The following ZNF347 variants were observed in gnomAD, a reference collection of about 807,000 sequenced individuals.
The protein encoded by ZNF347 is zinc finger protein 347, also known as CTD-2620I22.7.
In ZNF347, 19 loss-of-function variants were observed where a neutral mutation model predicts 12.9. The observed-to-expected ratio is 1.47, with a 90% CI of 1.03 to 2.16. The LOEUF (loss-of-function observed/expected upper bound fraction) is 2.16. Ranked by LOEUF, ZNF347 falls within the 30% of genes most tolerant of loss-of-function variation. The probability of loss-of-function intolerance (pLI) is 0.00; values close to 1 mark genes in which losing one functional copy is unlikely to be tolerated. For synonymous variants in ZNF347, 328 were observed against 340.6 expected, an observed-to-expected ratio of 0.96 and a Z score of 0.41; for missense variants, 1,005 against 990.6, an observed-to-expected ratio of 1.01 and a Z score of -0.19.
chr19:53,144,585 A>G (rs1214203676), intron 4 of ZNF347, among the ~76,000 whole-genome samples: 1 of 152,164 alleles, frequency 6.6e-6, no homozygotes, highest in Non-Finnish European at 1.5e-5. Flanking sequence ...GAGTTAAAAT[A>G]TACTGCAGAC....
rs2090383652 is a variant in ZNF347, at chr19:53,135,390, A to AGAGAGG, written c.*4917_*4918insCCTCTC. ...GAGAAAGAGAGAGAGAGAGAGAGAG[A>AGAGAGG]GAGATGGAGTCCCGCTCTGTCACTG... is the stretch of plus-strand genomic sequence containing the variant. On this transcript the variant is annotated 3_prime_UTR_variant, in exon 5 of 5. Transcript: ENST00000334197. 6.8e-6 allele frequency: 1 copy of AGAGAGG among 147,108 alleles called. No individual in the cohort carries two copies. Among genetic ancestry groups the AGAGAGG allele is most frequent in the African/African-American group, 2.5e-5 (1 of 39,798 alleles). 9.1% of individuals were successfully genotyped at this position (147,108 alleles called of 1,614,324 possible).
intron 1 of ZNF347, among the ~76,000 whole-genome samples, chr19:53,154,045 C>T (rs2090515829): frequency 6.6e-6 from 1 of 152,102 alleles, no homozygotes; most frequent in Non-Finnish European, 1.5e-5. Flanking sequence ...CCTGGAGAAG[C>T]CCACACACAC....
intron 4 of ZNF347, among the ~76,000 whole-genome samples, chr19:53,147,855 T>A (rs989407856): frequency 2.0e-5 from 3 of 152,158 alleles, no homozygotes; most frequent in Admixed American, 1.3e-4. Context: ...AAGGATAGTT[T>A]AATACACACA....
chr19:53,153,230 A>T (rs2090510073), intron 2 of ZNF347, among the ~76,000 whole-genome samples: 3 of 152,210 alleles, frequency 2.0e-5, no homozygotes, highest in Non-Finnish European at 4.4e-5. Flanking sequence ...ATTCCCAGTC[A>T]TTAATAAGAG....
In ZNF347 at chr19:53,141,507, G is replaced by T. The variant is rs187812061; in HGVS notation, c.1321C>A (p.Arg441Ser). The T allele has an allele frequency of 2.5e-6, 4 of 1,611,618 alleles. No individual in the cohort carries two copies. The African/African-American group carries it at 5.4e-5, about 22-fold the overall frequency. Reference protein sequence around the residue: ...CNECGKAFGVRSSLAIHLVIH... With the variant: ...CNECGKAFGVSSSLAIHLVIH... Reference sequence around the variant, plus strand: ...ACCAGATGAATAGCTAGGCTTGAACGAACACCAAAGGCTTTGCCGCACTCA... The same window carrying T: ...ACCAGATGAATAGCTAGGCTTGAACTAACACCAAAGGCTTTGCCGCACTCA... Residue 441 changes from arginine (R) to serine (S), a missense_variant, in exon 5 of 5, where the codon CGT becomes AGT. Coordinates refer to ENST00000334197, the MANE Select transcript of ZNF347 (RefSeq NM_032584.3).
At chr19:53,151,206 A>C (rs183379339) in intron 2 of ZNF347, among the ~76,000 whole-genome samples, 1 of 152,322 alleles carries the variant, frequency 6.6e-6, no homozygotes, top group Non-Finnish European at 1.5e-5. Context: ...CAAGCATCTG[A>C]ATCCAGGTGT....
rs1409218811 is a variant in ZNF347 at position 53,141,010 on chromosome 19, A to AT, written c.1817_1818insA (p.Phe606LeufsTer2). 6.2e-7 allele frequency: 1 copy of AT among 1,613,420 alleles called. No individual in the cohort carries two copies. The highest frequency in any genetic ancestry group is 1.1e-5 in the South Asian group (1 of 91,032). ...GCCTTGAAAGGTATGAATTATGCCT[A>AT]AAGACCTTGCCACATTCATTACATT... is the stretch of plus-strand genomic sequence containing the variant. On this transcript the variant is annotated frameshift_variant, in exon 5 of 5. Transcript: ENST00000334197. LOFTEE classifies it low-confidence loss of function (END_TRUNC).
rs149853376 is a variant in ZNF347, at chr19:53,146,266, T to C, written c.271+2415A>G. ...CTGGGATTACAGGTGTGAGCCACCG[T>C]GCCCGGCCTAAAAAAATTTTTTTTT... On this transcript the variant is annotated intron_variant, in intron 4 of 4. Coordinates refer to ENST00000334197, the MANE Select transcript of ZNF347 (RefSeq NM_032584.3). 7.2e-3 allele frequency among the ~76,000 whole-genome samples: 1,098 copies of C among 152,160 alleles called. 13 individuals carry two copies. The highest frequency in any genetic ancestry group is 0.024 in the African/African-American group (1,005 of 41,506).
rs776633298 is a variant in ZNF347, at chr19:53,141,657, G to A, written c.1171C>T (p.His391Tyr). 1 of 1,614,008 alleles carries A rather than the reference G, an allele frequency of 6.2e-7. No individual in the cohort carries two copies. Among genetic ancestry groups the A allele is most frequent in the Non-Finnish European group, 8.5e-7 (1 of 1,179,998 alleles). The stretch of plus-strand genomic sequence containing the variant: ...TTTTCTCCACTGTGGGTTGCCTGAT[G>A]GATAGCTAAGCTTGAACGAGCTCTA... ...AFRARSSLAIHQATHSGEKPY... is the reference protein window; with the variant it reads ...AFRARSSLAIYQATHSGEKPY... Residue 391 changes from histidine (H) to tyrosine (Y), a missense_variant, in exon 5 of 5, where the codon CAT becomes TAT. By Grantham distance (83) the His-to-Tyr change is moderately conservative (BLOSUM62 2). Transcript: ENST00000334197.
intron 1 of ZNF347, among the ~76,000 whole-genome samples, chr19:53,155,150 C>G (rs2090523867): frequency 6.6e-6 from 1 of 152,050 alleles, no homozygotes; most frequent in Non-Finnish European, 1.5e-5. Context: ...GTTGGCCAGG[C>G]TGGTCTCGAA....
In ZNF347 at chr19:53,141,636, C is replaced by G. The variant is rs758589114; in HGVS notation, c.1192G>C (p.Glu398Gln). ...LAIHQATHSGEKPYKCNECGK... is the reference protein window; with the variant it reads ...LAIHQATHSGQKPYKCNECGK... ...CATTCATTACATTTGTAAGGTTTTT[C>G]TCCACTGTGGGTTGCCTGATGGATA... The change falls in exon 5 of 5, where the codon GAA becomes CAA. Residue 398 changes from glutamate to glutamine, a missense_variant. Transcript: ENST00000334197. 3 of 1,614,076 alleles carry G rather than the reference C, an allele frequency of 1.9e-6. No individual in the cohort carries two copies. In the South Asian group the frequency reaches 3.3e-5, roughly 18 times the overall value.
intron 4 of ZNF347, among the ~76,000 whole-genome samples, chr19:53,145,936 A>G (rs933338579): frequency 2.0e-5 from 3 of 152,128 alleles, no homozygotes; most frequent in African/African-American, 7.2e-5. Context: ...AAGACTAAAA[A>G]AAAATCTAAG....
rs1210679791 is a variant in ZNF347 at position 53,141,107 on chromosome 19, C to G, written c.1721G>C (p.Cys574Ser). ...TGAATTCTGAGTGAAGACCTTGCCA[C>G]ACTCATTACATTTGTAAGGTTTTTC... ...TGEKPYKCNE[C>S]GKVFTQNSHL... is the part of the protein sequence containing the mutation. The change falls in exon 5 of 5, where the codon TGT (cysteine) becomes TCT (serine). Residue 574 changes from cysteine (C) to serine (S), a missense_variant. Cys to Ser is a moderately radical substitution (Grantham distance 112). Transcript: ENST00000334197. 5 of 1,613,942 alleles carry G rather than the reference C, an allele frequency of 3.1e-6. No individual in the cohort carries two copies. Among genetic ancestry groups the G allele is most frequent in the East Asian group, 2.2e-5 (1 of 44,888 alleles).
chr19:53,147,581 A>AATC (rs1475293046), intron 4 of ZNF347, among the ~76,000 whole-genome samples: 1 of 151,794 alleles, frequency 6.6e-6, no homozygotes, highest in African/African-American at 2.4e-5. Context: ...TAATAATAAT[A>AATC]ATAAAGAAAG....
chr19:53,155,584 C>T (rs975114686), intron 1 of ZNF347, among the ~76,000 whole-genome samples: 1 of 152,100 alleles, frequency 6.6e-6, no homozygotes, highest in African/African-American at 2.4e-5. Flanking sequence ...ATCCTCCCAC[C>T]TTGGCCTCTG....
chr19:53,157,015 A>G (rs1383855143), intron 1 of ZNF347, among the ~76,000 whole-genome samples: 1 of 152,176 alleles, frequency 6.6e-6, no homozygotes, highest in Non-Finnish European at 1.5e-5. Context: ...AGAAAATCAA[A>G]GGAAAAATAT....
In ZNF347 at chr19:53,141,582, G is replaced by C. The variant is rs372757544; in HGVS notation, c.1246C>G (p.Leu416Val). 1 of 1,613,886 alleles carries C rather than the reference G, an allele frequency of 6.2e-7. No homozygotes were observed. Among genetic ancestry groups the C allele is most frequent in the African/African-American group, 1.3e-5 (1 of 74,876 alleles). ...CGKVFTQNSHLTNHWRIHTGE... is the reference protein window; with the variant it reads ...CGKVFTQNSHVTNHWRIHTGE... ...GTGTGAATTCTCCAGTGATTTGTAA[G>C]GTGTGAATTTTGAGTGAAGACCTTG... The change falls in exon 5 of 5, where the codon CTT becomes GTT. Residue 416 changes from leucine to valine, a missense_variant. Transcript: ENST00000334197.
intron 4 of ZNF347, among the ~76,000 whole-genome samples, chr19:53,143,865 T>A (rs1306308436): frequency 6.6e-6 from 1 of 152,128 alleles, no homozygotes; most frequent in Non-Finnish European, 1.5e-5. Context: ...GTGTTCCTAT[T>A]TCTCCACATC....
chr19:53,150,687 C>T (rs932795638), intron 2 of ZNF347, among the ~76,000 whole-genome samples: 1 of 152,100 alleles, frequency 6.6e-6, no homozygotes, highest in African/African-American at 2.4e-5. Flanking sequence ...ATAACAATGA[C>T]AGATGTTTCT....
Sources: allele counts gnomAD v4.1 joint callset (sites outside exome capture counted in the v4.1 genomes callset), GRCh38; gene constraint gnomAD v4.1.1; transcripts MANE v1.5; gene names NCBI Gene and HGNC (gene_info 2026-07-23, HGNC 2026-07-21).